The following DNAJC10 variants were observed in gnomAD, a reference collection of about 807,000 sequenced individuals.
DNAJC10 encodes the protein endoplasmic reticulum disulfide reductase DNAJC10.
A neutral mutation model predicts 115.0 loss-of-function variants in DNAJC10; 101 were observed. That is an observed-to-expected ratio of 0.88 (90% confidence interval 0.75 to 1.04). The LOEUF (loss-of-function observed/expected upper bound fraction) is 1.04. Ranked by LOEUF, DNAJC10 falls within the 50% of genes least tolerant of loss-of-function variation. DNAJC10 has a pLI of 0.00. For missense variants in DNAJC10, 981 were observed against 928.8 expected, an observed-to-expected ratio of 1.06 and a Z score of -0.73; for synonymous variants, 307 against 301.5, an observed-to-expected ratio of 1.02 and a Z score of -0.19.
At position 182,782,122 on chromosome 2, in the gene DNAJC10, A is replaced by G. The variant is rs905889615; in HGVS notation, c.*4990A>G. 6.6e-5 allele frequency: 10 copies of G among 152,132 alleles called. No homozygotes were observed. Among genetic ancestry groups the G allele is most frequent in the Non-Finnish European group, 8.8e-5 (6 of 68,028 alleles). 9.4% of individuals were successfully genotyped at this position (152,132 alleles called of 1,614,324 possible). On this transcript the variant is annotated 3_prime_UTR_variant, in exon 24 of 24. Coordinates refer to ENST00000264065, the MANE Select transcript of DNAJC10 (RefSeq NM_018981.4). ...TTTAATCTATCAACTTAATTTTTAT[A>G]TAAGGTGTAAGGAAGGGGTCCCAGT...
intron 17 of DNAJC10, among the ~76,000 whole-genome samples, chr2:182,755,436 CTTT>C (rs76238413): frequency 7.4e-6 from 1 of 134,828 alleles, no homozygotes. Context: ...TCTACAGCAT[CTTT>C]TTTTTTTTTT....
At chr2:182,740,731 AT>A (rs1335708541) in intron 12 of DNAJC10, among the ~76,000 whole-genome samples, 10 of 152,146 alleles carry the variant, frequency 6.6e-5, no homozygotes, top group Non-Finnish European at 1.0e-4. Context: ...AAGAAGAAGT[AT>A]TCAGTTTATG....
In DNAJC10 at chr2:182,751,824, ATCT is replaced by A. The variant is rs1225391520; in HGVS notation, c.1434+43_1434+45del. On this transcript the variant is annotated intron_variant, in intron 15 of 23. Transcript: ENST00000264065. ...ATCTGTCAGATTCTAACATTGTCAG[ATCT>A]TCTCCTGTTATGGCAAAAAGACATT... 6.3e-6 allele frequency: 10 copies of A among 1,598,206 alleles called. No individual in the cohort carries two copies. The Admixed American group carries it at 1.8e-4, about 28-fold the overall frequency.
intron 11 of DNAJC10, among the ~76,000 whole-genome samples, chr2:182,739,242 A>G (rs1164721667): frequency 6.8e-6 from 1 of 147,080 alleles, no homozygotes; most frequent in Non-Finnish European, 1.5e-5. Context: ...ATTTATATAT[A>G]TATATATCTC....
chr2:182,724,584 C>T (rs1693233915), intron 5 of DNAJC10, among the ~76,000 whole-genome samples: 1 of 152,234 alleles, frequency 6.6e-6, no homozygotes. Flanking sequence ...CAGTGTTCAC[C>T]TACATTTCAA....
At chr2:182,739,519 C>T in intron 11 of DNAJC10, 1 of 1,195,472 alleles carries the variant, frequency 8.4e-7, no homozygotes, top group Non-Finnish European at 1.1e-6. Flanking sequence ...TTGATGTAAC[C>T]ATTGCTGCAT....
chr2:182,739,397 GT>G (rs1693674643), intron 11 of DNAJC10: 1 of 436,836 alleles, frequency 2.3e-6, no homozygotes, highest in Non-Finnish European at 3.1e-6. Context: ...GTTCGTACAA[GT>G]TTTTAGTGAA....
intron 3 of DNAJC10, among the ~76,000 whole-genome samples, chr2:182,718,550 A>G (rs1311964191): frequency 6.6e-6 from 1 of 152,196 alleles, no homozygotes; most frequent in Non-Finnish European, 1.5e-5. Context: ...TTAACCCCAA[A>G]ACAAACGATA....
chr2:182,749,548 GTC>G (rs1470437240), intron 14 of DNAJC10, among the ~76,000 whole-genome samples: 1 of 150,890 alleles, frequency 6.6e-6, no homozygotes, highest in Admixed American at 6.6e-5. Flanking sequence ...GCCTATGTGT[GTC>G]TCTGCACATG....
At chr2:182,764,096 C>T (rs1417620689) in intron 22 of DNAJC10, among the ~76,000 whole-genome samples, 1 of 152,208 alleles carries the variant, frequency 6.6e-6, no homozygotes, top group Non-Finnish European at 1.5e-5. Context: ...TGCTTTCACT[C>T]TCTCCCAAGC....
chr2:182,718,653 G>A (rs912032383), intron 3 of DNAJC10, among the ~76,000 whole-genome samples: 5 of 152,200 alleles, frequency 3.3e-5, no homozygotes, highest in East Asian at 1.9e-4. Flanking sequence ...TTAAAACTCA[G>A]AGGGTATGAC....
In DNAJC10 at chr2:182,759,434, T is replaced by C. The variant is rs554553187; in HGVS notation, c.2145+127T>C. The C allele has an allele frequency of 3.3e-4, 288 of 870,296 alleles. 1 individual carries two copies. In the South Asian group the frequency reaches 4.6e-3, roughly 14 times the overall value. The allele number at this position is 870,296 out of a possible 1,614,324, so 53.9% of individuals were successfully genotyped here. A position where few individuals can be genotyped will look rare whatever the true frequency, so the allele number is the denominator to read the frequency against. On this transcript the variant is annotated intron_variant, in intron 21 of 23. Coordinates refer to ENST00000264065, the MANE Select transcript of DNAJC10 (RefSeq NM_018981.4). The stretch of plus-strand genomic sequence containing the variant: ...TTCCTCTGAATTTAAAAATAGCTAT[T>C]ATATTTCTATGACTGTAATGGTTGT...
rs1559007344 is a variant in DNAJC10 at position 182,740,377 on chromosome 2, AAC to A, written c.1071_1072del (p.Leu358ArgfsTer19). 1 of 1,576,650 alleles carries A rather than the reference AAC, an allele frequency of 6.3e-7. No homozygotes were observed. Among genetic ancestry groups the A allele is most frequent in the Non-Finnish European group, 8.6e-7 (1 of 1,166,028 alleles). On this transcript the variant is annotated frameshift_variant, in exon 12 of 24. Coordinates refer to ENST00000264065, the MANE Select transcript of DNAJC10 (RefSeq NM_018981.4). LOFTEE classifies it high-confidence loss of function. Reference protein sequence around the residue: ...NLPDFELLSANTLEDRLAHHR... With the variant: ...NLPDFELLSAXTLEDRLAHHR... ...TCCAGATTTTGAACTACTTTCGGCA[AAC>A]ACACTAGAGGTAATGTTTTTATTAA...
intron 20 of DNAJC10, 129 bp from the exon 21 acceptor site, chr2:182,759,031 G>T: frequency 2.0e-6 from 2 of 1,011,948 alleles, no homozygotes; most frequent in South Asian, 3.2e-5. Context: ...AACCAAGATA[G>T]TACTGTACTT....
In DNAJC10 at chr2:182,762,738, A is replaced by G; in HGVS notation, c.2202A>G (p.Thr734=). The part of the protein sequence containing the change: ...GKVDCQAYAQ[T]CQKAGIRAYP... Reference sequence around the variant, plus strand: ...TAGACTGTCAGGCTTATGCTCAGACATGCCAGAAAGCTGGGATCAGGGCCT... The same window carrying G: ...TAGACTGTCAGGCTTATGCTCAGACGTGCCAGAAAGCTGGGATCAGGGCCT... The change falls in exon 22 of 24, where the codon ACA becomes ACG. Residue 734 remains threonine, a synonymous_variant. Coordinates refer to ENST00000264065, the MANE Select transcript of DNAJC10 (RefSeq NM_018981.4). The G allele has an allele frequency of 6.2e-7, 1 of 1,612,828 alleles. No homozygotes were observed. The highest frequency in any genetic ancestry group is 1.1e-5 in the South Asian group (1 of 91,058).
intron 23 of DNAJC10, among the ~76,000 whole-genome samples, chr2:182,776,781 A>G (rs1309077821): frequency 1.3e-5 from 2 of 152,190 alleles, no homozygotes; most frequent in East Asian, 3.8e-4. Context: ...TTTTATTTTG[A>G]AAGGTGTAAC....
rs1695017628 is a variant in DNAJC10 at position 182,789,822 on chromosome 2, C to T, written c.*12690C>T. On this transcript the variant is annotated 3_prime_UTR_variant, in exon 24 of 24. Coordinates refer to ENST00000264065, the MANE Select transcript of DNAJC10 (RefSeq NM_018981.4). ...ACAAGAGTTCTGATTTTTCCACATC[C>T]TCACCAACACTCATTTTTTTTAAAT... The T allele has an allele frequency of 6.6e-6, 1 of 152,188 alleles. No homozygotes were observed. The highest frequency in any genetic ancestry group is 1.5e-5 in the Non-Finnish European group (1 of 68,040). 9.4% of individuals were successfully genotyped at this position (152,188 alleles called of 1,614,324 possible).
intron 22 of DNAJC10, among the ~76,000 whole-genome samples, chr2:182,775,040 C>G (rs900391702): frequency 6.8e-6 from 1 of 146,626 alleles, no homozygotes; most frequent in East Asian, 2.0e-4. Flanking sequence ...TGCACAGTTT[C>G]GATGTTTTGA....
chr2:182,764,204 C>G (rs372468850), intron 22 of DNAJC10, among the ~76,000 whole-genome samples: 41 of 152,232 alleles, frequency 2.7e-4, no homozygotes, highest in African/African-American at 9.4e-4. Flanking sequence ...TGCTGATCCC[C>G]TAGCCATTCA....
Sources: allele counts gnomAD v4.1 joint callset (sites outside exome capture counted in the v4.1 genomes callset), GRCh38; gene constraint gnomAD v4.1.1; transcripts MANE v1.5; gene names NCBI Gene and HGNC (gene_info 2026-07-23, HGNC 2026-07-21).